Variants in PAK2 observed in about 807,000 individuals in gnomAD.
The protein encoded by PAK2 is p21 (RAC1) activated kinase 2, also known as serine/threonine-protein kinase PAK 2.
PAK2 carries 21 observed loss-of-function variants against 65.9 expected under a neutral mutation model. The ratio of observed to expected loss-of-function variants is 0.32; its 90% CI spans 0.23 to 0.46. PAK2 has a LOEUF of 0.46. PAK2 is among the 20% of genes least tolerant of loss of function. The probability of loss-of-function intolerance (pLI) is 1.00; values close to 1 mark genes in which losing one functional copy is unlikely to be tolerated. For missense variants in PAK2, 324 were observed against 642.6 expected (o/e 0.50, Z 5.36); for synonymous variants, 204 against 219.7 (o/e 0.93, Z 0.63).
chr3:196,797,076 C>G (rs1240939619), intron 2 of PAK2, among the ~76,000 whole-genome samples: 1 of 152,096 alleles, frequency 6.6e-6, no homozygotes, highest in African/African-American at 2.4e-5. Flanking sequence ...AACTATCAGC[C>G]AACTTGACCT....
At chr3:196,764,841 C>CTTTTTTTTTTTTT (rs57199433) in intron 1 of PAK2, among the ~76,000 whole-genome samples, 1 of 107,640 alleles carries the variant, frequency 9.3e-6, no homozygotes, top group Non-Finnish European at 1.9e-5. Flanking sequence ...TCTTTTCTTT[C>CTTTTTTTTTTTTT]TTTTTTTTTT....
intron 1 of PAK2, among the ~76,000 whole-genome samples, chr3:196,752,301 T>C (rs1428992728): frequency 6.6e-6 from 1 of 152,218 alleles, no homozygotes; most frequent in Non-Finnish European, 1.5e-5. Flanking sequence ...TTTGGTTTGC[T>C]TTTATCTCAG....
chr3:196,808,864 AAAT>A (rs911684435), intron 7 of PAK2, among the ~76,000 whole-genome samples: 1 of 152,058 alleles, frequency 6.6e-6, no homozygotes, highest in African/African-American at 2.4e-5. Context: ...CAGTCTCAAA[AAAT>A]AATAATAAAT....
At chr3:196,751,899 C>CACCTGGCCTAATTATT (rs1713616629) in intron 1 of PAK2, among the ~76,000 whole-genome samples, 1 of 150,880 alleles carries the variant, frequency 6.6e-6, no homozygotes. Flanking sequence ...CATGCCACCA[C>CACCTGGCCTAATTATT]TCTCAGCTAA....
intron 2 of PAK2, among the ~76,000 whole-genome samples, chr3:196,794,468 C>G (rs1715180892): frequency 6.6e-6 from 1 of 152,214 alleles, no homozygotes. Flanking sequence ...CACCCGTTCC[C>G]CCTGTCCGCC....
chr3:196,831,958 T>C lies in PAK2; in HGVS notation c.*3553T>C, dbSNP rs1409582794. On this transcript the variant is annotated 3_prime_UTR_variant, in exon 15 of 15. Transcript: ENST00000327134. The stretch of plus-strand genomic sequence containing the variant: ...GTATTGAAACTGGTAAAATCAGTTT[T>C]TTGATAGTGTGTGTATATAAGAAAA... The C allele has an allele frequency of 6.6e-6, 1 of 152,212 alleles. No homozygotes were observed. The highest frequency in any genetic ancestry group is 1.5e-5 in the Non-Finnish European group (1 of 68,034). 9.4% of individuals were successfully genotyped at this position (152,212 alleles called of 1,614,324 possible). A position where few individuals can be genotyped will look rare whatever the true frequency, so the allele number is the denominator to read the frequency against.
chr3:196,768,055 C>A (rs1714231673), intron 1 of PAK2, among the ~76,000 whole-genome samples: 1 of 152,010 alleles, frequency 6.6e-6, no homozygotes, highest in Admixed American at 6.6e-5. Context: ...CTGGAAAATT[C>A]AGTGTATGCT....
intron 8 of PAK2, 98 bp downstream of exon 8, chr3:196,810,751 T>C (rs1715751070): frequency 8.6e-6 from 6 of 697,070 alleles, no homozygotes; most frequent in East Asian, 7.8e-5. Flanking sequence ...CAAGTACTTA[T>C]ATAGTATTCT....
intron 1 of PAK2, among the ~76,000 whole-genome samples, chr3:196,779,059 T>C (rs1560101214): frequency 6.6e-6 from 1 of 152,216 alleles, no homozygotes; most frequent in Non-Finnish European, 1.5e-5. Flanking sequence ...CACTGTTCTT[T>C]GGAAGTGAGT....
At chr3:196,770,008 C>T (rs1714311830) in intron 1 of PAK2, among the ~76,000 whole-genome samples, 1 of 152,034 alleles carries the variant, frequency 6.6e-6, no homozygotes, top group Non-Finnish European at 1.5e-5. Context: ...GTCATCCCAG[C>T]ACTTTGAGAG....
At chr3:196,816,890 C>A (rs1009916239) in intron 11 of PAK2, among the ~76,000 whole-genome samples, 4 of 152,110 alleles carry the variant, frequency 2.6e-5, no homozygotes, top group African/African-American at 9.7e-5. Flanking sequence ...GTTATTCTTG[C>A]ATCATTCATG....
chr3:196,758,933 C>G (rs541118707), intron 1 of PAK2, among the ~76,000 whole-genome samples: 2 of 152,200 alleles, frequency 1.3e-5, no homozygotes, highest in Non-Finnish European at 2.9e-5. Context: ...GCTGGCATTA[C>G]AGGCATGAGC....
intron 1 of PAK2, among the ~76,000 whole-genome samples, chr3:196,760,319 C>T (rs544377909): frequency 1.3e-5 from 2 of 152,222 alleles, no homozygotes; most frequent in South Asian, 2.1e-4. Flanking sequence ...GGCGCGATCT[C>T]AGCTCACTAC....
chr3:196,751,900 T>C (rs548997920), intron 1 of PAK2, among the ~76,000 whole-genome samples: 1 of 150,700 alleles, frequency 6.6e-6, no homozygotes, highest in African/African-American at 2.4e-5. Context: ...ATGCCACCAC[T>C]CTCAGCTAAT....
At position 196,829,945 on chromosome 3, in the gene PAK2, C is replaced by CT. The variant is rs1324557907; in HGVS notation, c.*1543dup. ...TCTTTTTTCCTCTCCTCTTCTTCTCCTTTATTCATTGTTTTGCTTTTGGAG... is the reference window on the plus strand; with the variant it reads ...TCTTTTTTCCTCTCCTCTTCTTCTCCTTTTATTCATTGTTTTGCTTTTGGAG... On this transcript the variant is annotated 3_prime_UTR_variant, in exon 15 of 15. Coordinates refer to ENST00000327134, the MANE Select transcript of PAK2 (RefSeq NM_002577.4). 1.3e-5 allele frequency: 2 copies of CT among 151,876 alleles called. No individual in the cohort carries two copies. The highest frequency in any genetic ancestry group is 2.4e-5 in the African/African-American group (1 of 41,306). The allele number at this position is 151,876 out of a possible 1,614,324, so 9.4% of individuals were successfully genotyped here. A position where few individuals can be genotyped will look rare whatever the true frequency, so the allele number is the denominator to read the frequency against.
At chr3:196,754,925 G>A (rs1000065325) in intron 1 of PAK2, among the ~76,000 whole-genome samples, 9 of 152,192 alleles carry the variant, frequency 5.9e-5, no homozygotes, top group African/African-American at 2.2e-4. Flanking sequence ...CCGACTCTGA[G>A]TCTCCAAATA....
At chr3:196,775,606 C>A (rs1342397047) in intron 1 of PAK2, among the ~76,000 whole-genome samples, 2 of 152,134 alleles carry the variant, frequency 1.3e-5, no homozygotes, top group Non-Finnish European at 2.9e-5. Context: ...TGGTCTCGAT[C>A]TCTTGACCTT....
At chr3:196,797,864 TAAAG>T (rs1256989119) in intron 2 of PAK2, among the ~76,000 whole-genome samples, 2 of 152,106 alleles carry the variant, frequency 1.3e-5, no homozygotes, top group Non-Finnish European at 2.9e-5. Context: ...ATTTGGAAAG[TAAAG>T]AAAGCACTTC....
chr3:196,768,873 C>T (rs927220121), intron 1 of PAK2, among the ~76,000 whole-genome samples: 8 of 151,830 alleles, frequency 5.3e-5, no homozygotes, highest in African/African-American at 1.9e-4. Flanking sequence ...ACCATGTTGC[C>T]CAGGATGGCC....
Sources: allele counts gnomAD v4.1 joint callset (sites outside exome capture counted in the v4.1 genomes callset), GRCh38; gene constraint gnomAD v4.1.1; transcripts MANE v1.5; gene names NCBI Gene and HGNC (gene_info 2026-07-23, HGNC 2026-07-21).